Variants in ENDOV observed in about 807,000 individuals in gnomAD.
ENDOV encodes hEndoV.
In ENDOV, 37 loss-of-function variants were observed where a neutral mutation model predicts 39.4. That is an observed-to-expected ratio of 0.94 (90% CI 0.72 to 1.23). The LOEUF is 1.23. Ranked by LOEUF, ENDOV falls within the 50% of genes most tolerant of loss-of-function variation. ENDOV has a pLI of 0.00. For synonymous variants in ENDOV, 186 were observed against 163.4 expected (o/e 1.14, Z -1.05); for missense variants, 441 against 375.7 (o/e 1.17, Z -1.44).
At chr17:80,415,886 G>C (rs2081067114) in intron 2 of ENDOV, 65 bp downstream of exon 2, 2 of 1,531,796 alleles carry the variant, frequency 1.3e-6, no homozygotes, top group East Asian at 2.5e-5. Flanking sequence ...CGGTCTCCGG[G>C]ACAGGGAGCA....
At chr17:80,431,144 A>G (rs2083305140) in intron 9 of ENDOV, among the ~76,000 whole-genome samples, 2 of 152,212 alleles carry the variant, frequency 1.3e-5, no homozygotes, top group African/African-American at 4.8e-5. Context: ...AGCTTGGGAC[A>G]AGAATCCAGG....
intron 9 of ENDOV, among the ~76,000 whole-genome samples, chr17:80,432,420 G>A (rs924984757): frequency 1.3e-5 from 2 of 152,128 alleles, no homozygotes; most frequent in African/African-American, 2.4e-5. Flanking sequence ...GAGCAGGGCC[G>A]TGGACAGCCT....
Position 80,415,183 on chromosome 17 carries a change from CG to C in ENDOV, c.-9del. On this transcript the variant is annotated 5_prime_UTR_variant, in exon 1 of 10. Transcript: ENST00000518137. ...GGAAGTGACGTGCGGAAGGGGTGCC[CG>C]GGACGAAGCCATGGCCCTGGAGGCG... is the stretch of plus-strand genomic sequence containing the variant. 6.2e-7 allele frequency: 1 copy of C among 1,612,600 alleles called. No individual in the cohort carries two copies. The highest frequency in any genetic ancestry group is 8.5e-7 in the Non-Finnish European group (1 of 1,179,486).
At chr17:80,426,026 T>C (rs2082647193) in intron 7 of ENDOV, among the ~76,000 whole-genome samples, 1 of 152,186 alleles carries the variant, frequency 6.6e-6, no homozygotes, top group Admixed American at 6.5e-5. Flanking sequence ...GCAGGAAAGC[T>C]GTGCAGGCCC....
intron 9 of ENDOV, chr17:80,433,127 G>C (rs558387950): frequency 5.8e-6 from 3 of 520,014 alleles, no homozygotes; most frequent in Non-Finnish European, 1.2e-5. Flanking sequence ...GAGCACAGGT[G>C]GCAGGGAATT....
chr17:80,423,837 C>T lies in ENDOV; in HGVS notation c.516+205C>T, dbSNP rs564758264. On this transcript the variant is annotated intron_variant, in intron 5 of 9. Coordinates refer to ENST00000518137, the MANE Select transcript of ENDOV (RefSeq NM_173627.5). ...GCTGAGGGCGCTCTGAGCTCCTCTCCTGCCTCCTGGGTGTGCCTGCCTCTC... is the reference window on the plus strand; with the variant it reads ...GCTGAGGGCGCTCTGAGCTCCTCTCTTGCCTCCTGGGTGTGCCTGCCTCTC... The T allele has an allele frequency of 1.3e-4, 75 of 570,642 alleles. No homozygotes were observed. In the African/African-American group the frequency reaches 1.3e-3, roughly 10 times the overall value. 35.3% of individuals were successfully genotyped at this position (570,642 alleles called of 1,614,324 possible).
intron 9 of ENDOV, among the ~76,000 whole-genome samples, chr17:80,433,373 C>T (rs1429980309): frequency 1.3e-5 from 2 of 152,220 alleles, no homozygotes; most frequent in South Asian, 2.1e-4. Context: ...CCCACAAGGC[C>T]GTCAGTCCGC....
At chr17:80,435,838 G>C (rs1031423970) in intron 9 of ENDOV, among the ~76,000 whole-genome samples, 1 of 150,482 alleles carries the variant, frequency 6.6e-6, no homozygotes, top group African/African-American at 2.4e-5. Context: ...GGATGGTCTC[G>C]ATCTCCTGAC....
intron 7 of ENDOV, chr17:80,427,983 G>A: frequency 1.0e-6 from 1 of 954,692 alleles, no homozygotes; most frequent in Non-Finnish European, 1.4e-6. Context: ...TCTGAGCTGG[G>A]ATCAGGGGGA....
At chr17:80,429,443 C>T (rs1438823940) in intron 8 of ENDOV, among the ~76,000 whole-genome samples, 1 of 152,210 alleles carries the variant, frequency 6.6e-6, no homozygotes, top group African/African-American at 2.4e-5. Flanking sequence ...TCGCCCTGCC[C>T]TCGCCCACGA....
At chr17:80,424,937 A>G in intron 5 of ENDOV, 95 bp from the exon 6 acceptor site, 1 of 1,034,872 alleles carries the variant, frequency 9.7e-7, no homozygotes, top group Non-Finnish European at 1.4e-6. Context: ...CCTGGGCAAC[A>G]GTGCGACACT....
intron 5 of ENDOV, 93 bp downstream of exon 5, chr17:80,423,725 C>G: frequency 8.5e-7 from 1 of 1,171,556 alleles, no homozygotes; most frequent in Non-Finnish European, 1.2e-6. Context: ...CCAGCCCTTG[C>G]CTGCTGACGC....
At chr17:80,419,447 C>T (rs1172101098) in intron 2 of ENDOV, 2 of 631,158 alleles carry the variant, frequency 3.2e-6, no homozygotes, top group Non-Finnish European at 5.8e-6. Flanking sequence ...CCATTCCATG[C>T]CAGATGCTGA....
intron 9 of ENDOV, among the ~76,000 whole-genome samples, chr17:80,435,009 C>T (rs541300781): frequency 6.6e-6 from 1 of 152,242 alleles, no homozygotes; most frequent in African/African-American, 2.4e-5. Flanking sequence ...GTGGTGAGCG[C>T]CTTCTCATGT....
intron 7 of ENDOV, among the ~76,000 whole-genome samples, chr17:80,426,212 A>G (rs1207308662): frequency 6.6e-6 from 1 of 152,226 alleles, no homozygotes; most frequent in Non-Finnish European, 1.5e-5. Context: ...GACAGCCTCG[A>G]TAGGACCAGG....
chr17:80,420,263 G>C (rs959338884), intron 2 of ENDOV: 3 of 152,520 alleles, frequency 2.0e-5, no homozygotes, highest in African/African-American at 7.2e-5. Flanking sequence ...CATTATGGGA[G>C]AGATTCAGAT....
At chr17:80,419,653 G>A (rs2081716729) in intron 2 of ENDOV, 1 of 702,918 alleles carries the variant, frequency 1.4e-6, no homozygotes, top group Non-Finnish European at 2.6e-6. Flanking sequence ...TTCTGCTGCT[G>A]GAAACAGCTG....
chr17:80,427,369 C>G, intron 7 of ENDOV: 1 of 961,506 alleles, frequency 1.0e-6, no homozygotes. Context: ...TTTTCTGCCT[C>G]AGCGCGCCCC....
intron 1 of ENDOV, 129 bp from the exon 2 acceptor site, chr17:80,415,521 A>G (rs1481291280): frequency 6.5e-6 from 8 of 1,237,522 alleles, no homozygotes; most frequent in African/African-American, 1.5e-5. Context: ...CCTCGGCGGT[A>G]TGTCCCTTGC....
Sources: gnomAD v4.1 joint callset for allele counts (sites outside exome capture counted in the v4.1 genomes callset) on GRCh38, gnomAD v4.1.1 for gene constraint, MANE v1.5 for transcripts, NCBI Gene and HGNC (gene_info 2026-07-23, HGNC 2026-07-21) for gene names.